The following GALK2 variants were observed in gnomAD, a reference collection of about 807,000 sequenced individuals.
The protein encoded by GALK2 is galactokinase 2.
A neutral mutation model predicts 52.4 loss-of-function variants in GALK2; 36 were observed. That is an observed-to-expected ratio of 0.69 (90% CI 0.53 to 0.91). GALK2 has a LOEUF of 0.91. Ranked by LOEUF, GALK2 falls within the 40% of genes least tolerant of loss-of-function variation. The pLI is 0.00. For missense variants in GALK2, 579 were observed against 559.1 expected (o/e 1.04, Z -0.36); for synonymous variants, 176 against 199.1 (o/e 0.88, Z 0.98).
chr15:49,238,803 G>C (rs549142874), intron 4 of GALK2, among the ~76,000 whole-genome samples: 39 of 152,288 alleles, frequency 2.6e-4, no homozygotes, highest in African/African-American at 9.1e-4. Context: ...TGCTGGAGTT[G>C]TGCTGCATGG....
At chr15:49,366,254 T>C (rs762102903) in intron 3 of GALK2, 3 of 786,454 alleles carry the variant, frequency 3.8e-6, no homozygotes, top group Non-Finnish European at 7.1e-6. Context: ...ATCTATAAAG[T>C]CTTTGTCACT....
chr15:49,230,287 C>T (rs992786244), intron 3 of GALK2, among the ~76,000 whole-genome samples: 15 of 152,246 alleles, frequency 9.9e-5, no homozygotes, highest in African/African-American at 1.9e-4. Flanking sequence ...CTCTGTCAGT[C>T]GCATGGTCCT....
chr15:49,365,492 T>C, intron 3 of GALK2: 1 of 860,476 alleles, frequency 1.2e-6, no homozygotes. Flanking sequence ...CACACACTCA[T>C]TACTGAGAAA....
At chr15:49,244,427 A>G (rs774410734) in intron 5 of GALK2, among the ~76,000 whole-genome samples, 1 of 152,190 alleles carries the variant, frequency 6.6e-6, no homozygotes, top group Non-Finnish European at 1.5e-5. Flanking sequence ...AGAGAAAAGA[A>G]CGGAAAGAAA....
intron 5 of GALK2, among the ~76,000 whole-genome samples, chr15:49,280,831 A>C (rs780130083): frequency 3.3e-5 from 5 of 151,750 alleles, no homozygotes; most frequent in Non-Finnish European, 5.9e-5. Flanking sequence ...ATGAAGAAAG[A>C]TTTTTTATTT....
At chr15:49,318,412 A>G (rs1213427377) in intron 8 of GALK2, among the ~76,000 whole-genome samples, 3 of 152,184 alleles carry the variant, frequency 2.0e-5, no homozygotes, top group Non-Finnish European at 2.9e-5. Context: ...AAATTAAAAT[A>G]TACATAAATA....
chr15:49,355,203 G>A (rs1276415490), intron 3 of GALK2, among the ~76,000 whole-genome samples: 9 of 152,266 alleles, frequency 5.9e-5, no homozygotes, highest in East Asian at 5.8e-4. Flanking sequence ...CCAAAGGAAC[G>A]CAGTTCCTCA....
At position 49,331,848 on chromosome 15, in the gene GALK2, G is replaced by A. The variant is rs958400242; in HGVS notation, c.*3689G>A. Reference sequence around the variant, plus strand: ...GGTTTCTTGGTAGCCTTTGCTTGGAGTCTAATCATGGAATAAAGAAAATCA... The same window carrying A: ...GGTTTCTTGGTAGCCTTTGCTTGGAATCTAATCATGGAATAAAGAAAATCA... On this transcript the variant is annotated 3_prime_UTR_variant, in exon 10 of 10. Transcript: ENST00000560031. 1.3e-6 allele frequency: 2 copies of A among 1,599,056 alleles called. No homozygotes were observed. The highest frequency in any genetic ancestry group is 2.2e-5 in the East Asian group (1 of 44,788).
At chr15:49,299,784 T>C (rs4479173) in intron 8 of GALK2, among the ~76,000 whole-genome samples, 56,424 of 139,988 alleles carry the variant, frequency 0.4, 12,076 homozygotes, top group African/African-American at 0.42. Context: ...TCTTTCTTTC[T>C]TTCTTTCTTT....
downstream of GALK2, chr15:49,335,468 T>G: frequency 1.2e-6 from 2 of 1,613,620 alleles, no homozygotes; most frequent in Non-Finnish European, 1.7e-6. Flanking sequence ...GCCTCCTTTA[T>G]AACATCACGG....
In GALK2 at chr15:49,328,441, G is replaced by T; in HGVS notation, c.*282G>T. 1 of 1,455,518 alleles carries T rather than the reference G, an allele frequency of 6.9e-7. No homozygotes were observed. Among genetic ancestry groups the T allele is most frequent in the Non-Finnish European group, 9.1e-7 (1 of 1,104,768 alleles). The allele number at this position is 1,455,518 out of a possible 1,614,324, so 90.2% of individuals were successfully genotyped here. A position where few individuals can be genotyped will look rare whatever the true frequency, so the allele number is the denominator to read the frequency against. On this transcript the variant is annotated 3_prime_UTR_variant, in exon 10 of 10. Coordinates refer to ENST00000560031, the MANE Select transcript of GALK2 (RefSeq NM_002044.4). ...TTATTGATTTGAAGATTTTAAAGATGAATGGTAAAACACACTCTTAATACT... is the reference window on the plus strand; with the variant it reads ...TTATTGATTTGAAGATTTTAAAGATTAATGGTAAAACACACTCTTAATACT...
chr15:49,210,248 G>A (rs1268669556), intron 2 of GALK2, among the ~76,000 whole-genome samples: 1 of 151,140 alleles, frequency 6.6e-6, no homozygotes, highest in Non-Finnish European at 1.5e-5. Flanking sequence ...CTAAAGATTT[G>A]CTATTATGTT....
At chr15:49,316,396 G>A (rs978167648) in intron 8 of GALK2, among the ~76,000 whole-genome samples, 18 of 148,154 alleles carry the variant, frequency 1.2e-4, no homozygotes, top group Admixed American at 1.0e-3. Context: ...GTTCTCACTC[G>A]TAGCTGGGAA....
At chr15:49,238,055 A>T (rs1266750969) in intron 4 of GALK2, among the ~76,000 whole-genome samples, 1 of 152,170 alleles carries the variant, frequency 6.6e-6, no homozygotes, top group Non-Finnish European at 1.5e-5. Flanking sequence ...AAATTAAGGA[A>T]AAAGGTCTTT....
At chr15:49,365,697 A>C (rs1251008368) in intron 3 of GALK2, 2 of 912,294 alleles carry the variant, frequency 2.2e-6, no homozygotes, top group Non-Finnish European at 3.7e-6. Context: ...TCAGTGTTTT[A>C]ATTAAATTCA....
intron 3 of GALK2, among the ~76,000 whole-genome samples, chr15:49,347,908 A>G (rs1193258193): frequency 6.6e-6 from 1 of 151,402 alleles, no homozygotes; most frequent in Non-Finnish European, 1.5e-5. Context: ...AGTCCCAGCT[A>G]CTCGGGAGGC....
intron 5 of GALK2, among the ~76,000 whole-genome samples, chr15:49,279,092 G>C (rs1205936638): frequency 6.6e-6 from 1 of 152,176 alleles, no homozygotes; most frequent in African/African-American, 2.4e-5. Flanking sequence ...TCCTGCCCTT[G>C]ACACGTAGGG....
At chr15:49,322,743 G>A (rs575062216) in intron 9 of GALK2, among the ~76,000 whole-genome samples, 1 of 152,180 alleles carries the variant, frequency 6.6e-6, no homozygotes, top group East Asian at 1.9e-4. Context: ...AGATCATGAG[G>A]TCAGGAGATC....
chr15:49,363,230 T>C (rs2044554602), intron 3 of GALK2, among the ~76,000 whole-genome samples: 1 of 152,184 alleles, frequency 6.6e-6, no homozygotes, highest in Non-Finnish European at 1.5e-5. Context: ...GCCATTTAAA[T>C]GGTATTGATT....
Sources: allele counts gnomAD v4.1 joint callset (sites outside exome capture counted in the v4.1 genomes callset), GRCh38; gene constraint gnomAD v4.1.1; transcripts MANE v1.5; gene names NCBI Gene and HGNC (gene_info 2026-07-23, HGNC 2026-07-21).